Variants in NKAIN3 observed in about 807,000 individuals in gnomAD.
NKAIN3 encodes the protein sodium/potassium transporting ATPase interacting 3.
In NKAIN3, 25 loss-of-function variants were observed where a neutral mutation model predicts 30.2. The ratio of observed to expected loss-of-function variants is 0.83; its 90% CI spans 0.60 to 1.16. The LOEUF is 1.16. Among genes scored for constraint, NKAIN3 ranks in the 50% most tolerant of loss-of-function variants. The probability of loss-of-function intolerance (pLI) is 0.00; values close to 1 mark genes in which losing one functional copy is unlikely to be tolerated. For synonymous variants in NKAIN3, 91 were observed against 89.6 expected (o/e 1.02, Z -0.09); for missense variants, 225 against 254.1 (o/e 0.89, Z 0.78).
chr8:62,311,017 A>C (rs762873248), intron 1 of NKAIN3, among the ~76,000 whole-genome samples: 1 of 150,584 alleles, frequency 6.6e-6, no homozygotes. Flanking sequence ...CAGAGAGGTT[A>C]TCTCTTCCCT....
chr8:62,985,213 C>T (rs889230289), downstream of NKAIN3, among the ~76,000 whole-genome samples: 3 of 152,218 alleles, frequency 2.0e-5, no homozygotes, highest in Admixed American at 2.0e-4. Flanking sequence ...ACATCTCACC[C>T]CTGCCACTCA....
At chr8:62,877,124 C>T (rs531496292) in intron 4 of NKAIN3, among the ~76,000 whole-genome samples, 3 of 152,204 alleles carry the variant, frequency 2.0e-5, no homozygotes, top group Non-Finnish European at 4.4e-5. Flanking sequence ...ATGAAGGTGC[C>T]AGCTCCCACA....
intron 1 of NKAIN3, among the ~76,000 whole-genome samples, chr8:62,447,264 G>T (rs538293562): frequency 6.6e-6 from 1 of 151,970 alleles, no homozygotes; most frequent in Admixed American, 6.6e-5. Context: ...CCAGGTACTG[G>T]AATCTGTCAT....
chr8:62,371,095 C>A (rs1249519906), intron 1 of NKAIN3, among the ~76,000 whole-genome samples: 1 of 151,764 alleles, frequency 6.6e-6, no homozygotes, highest in Non-Finnish European at 1.5e-5. Flanking sequence ...GATGTCTTGC[C>A]ATGTCATCTT....
chr8:62,425,105 A>G (rs1804767403), intron 1 of NKAIN3, among the ~76,000 whole-genome samples: 2 of 151,870 alleles, frequency 1.3e-5, no homozygotes, highest in Non-Finnish European at 2.9e-5. Context: ...AGAGAGTAGA[A>G]TAATGATTTC....
intron 1 of NKAIN3, among the ~76,000 whole-genome samples, chr8:62,480,579 G>A (rs1450406369): frequency 6.7e-6 from 1 of 149,060 alleles, no homozygotes; most frequent in African/African-American, 2.5e-5. Context: ...ATTTCCAAGA[G>A]TCCTAACAGG....
chr8:62,393,122 A>AT (rs1220770193), intron 1 of NKAIN3, among the ~76,000 whole-genome samples: 1 of 152,050 alleles, frequency 6.6e-6, no homozygotes, highest in Non-Finnish European at 1.5e-5. Flanking sequence ...CATATCCATG[A>AT]TTTTTCTTAA....
chr8:62,378,106 G>A (rs1381741363), intron 1 of NKAIN3, among the ~76,000 whole-genome samples: 2 of 152,162 alleles, frequency 1.3e-5, no homozygotes, highest in African/African-American at 4.8e-5. Flanking sequence ...GAGAAATGAA[G>A]TCCAGGCTGA....
At chr8:62,937,688 C>T (rs1464113098) in intron 5 of NKAIN3, among the ~76,000 whole-genome samples, 1 of 151,986 alleles carries the variant, frequency 6.6e-6, no homozygotes, top group Non-Finnish European at 1.5e-5. Context: ...TGGACAGAAT[C>T]TGTAGTGGGG....
At chr8:62,347,010 T>G (rs1228415486) in intron 1 of NKAIN3, among the ~76,000 whole-genome samples, 1 of 152,024 alleles carries the variant, frequency 6.6e-6, no homozygotes, top group African/African-American at 2.4e-5. Flanking sequence ...TGAATAAAGG[T>G]TTGGTGGCAT....
In NKAIN3 at chr8:62,457,249, T is replaced by C. The variant is rs576305787; in HGVS notation, c.55-122290T>C. Among the ~76,000 whole-genome samples the C allele has an allele frequency of 8.5e-5, 13 of 152,344 alleles. No homozygotes were observed. The South Asian group carries it at 2.7e-3, about 32-fold the overall frequency. ...AGGACCATGAATGGAAGAGGGATTT[T>C]TTAATTTTATGTTATTCCAGGGAGA... On this transcript the variant is annotated intron_variant, in intron 1 of 6. Coordinates refer to ENST00000623646, the MANE Select transcript of NKAIN3 (RefSeq NM_001304533.3).
At chr8:62,611,573 A>G (rs1051617752) in intron 3 of NKAIN3, among the ~76,000 whole-genome samples, 3 of 152,144 alleles carry the variant, frequency 2.0e-5, no homozygotes, top group African/African-American at 7.2e-5. Flanking sequence ...TATTTCCCTT[A>G]ACATGATGAC....
At position 62,913,280 on chromosome 8, in the gene NKAIN3, ACTTTT is replaced by A. The variant is rs372896321; in HGVS notation, c.472-5172_472-5168del. ...TACTATATGTATTTGTGTTTGCTAT[ACTTTT>A]ATATGATTGGCAGCACAGTAGGTTT... On this transcript the variant is annotated intron_variant, in intron 4 of 6. Coordinates refer to ENST00000623646, the MANE Select transcript of NKAIN3 (RefSeq NM_001304533.3). Among the ~76,000 whole-genome samples the A allele has an allele frequency of 2.6e-3, 395 of 152,304 alleles. 2 individuals carry two copies. The highest frequency in any genetic ancestry group is 9.1e-3 in the African/African-American group (380 of 41,566).
At chr8:62,912,430 T>C (rs1207902885) in intron 4 of NKAIN3, among the ~76,000 whole-genome samples, 1 of 152,224 alleles carries the variant, frequency 6.6e-6, no homozygotes, top group Non-Finnish European at 1.5e-5. Context: ...TAAATTCATT[T>C]TAGCTTACTG....
Position 62,746,499 on chromosome 8 carries a change from T to C in NKAIN3, c.274-433T>C, listed in dbSNP as rs904835384. ...GATCATTAAAGTGCCTACATGAACA[T>C]TCAAGAATATAATATGTGAAATTCA... On this transcript the variant is annotated intron_variant, in intron 3 of 6. Transcript: ENST00000623646. Among the ~76,000 whole-genome samples, 4 of 152,192 alleles carry C rather than the reference T, an allele frequency of 2.6e-5. 1 individual carries two copies. The highest frequency in any genetic ancestry group is 9.7e-5 in the African/African-American group (4 of 41,440).
chr8:62,813,891 C>G (rs1229448521), intron 4 of NKAIN3, among the ~76,000 whole-genome samples: 2 of 151,944 alleles, frequency 1.3e-5, no homozygotes, highest in African/African-American at 2.4e-5. Flanking sequence ...GGCTTTATTT[C>G]TTAAAAATAG....
chr8:62,331,300 T>G (rs983457378), intron 1 of NKAIN3, among the ~76,000 whole-genome samples: 7 of 151,962 alleles, frequency 4.6e-5, no homozygotes, highest in Non-Finnish European at 8.8e-5. Context: ...AACTCATACA[T>G]GTTAAGACCC....
chr8:62,794,949 G>T (rs1236956900), intron 4 of NKAIN3, among the ~76,000 whole-genome samples: 1 of 151,962 alleles, frequency 6.6e-6, no homozygotes, highest in East Asian at 1.9e-4. Context: ...ATCCATCTAT[G>T]ATCTTTCCAT....
chr8:62,776,745 T>C (rs188008399), intron 4 of NKAIN3, among the ~76,000 whole-genome samples: 172 of 152,304 alleles, frequency 1.1e-3, no homozygotes, highest in African/African-American at 4.0e-3. Flanking sequence ...TTATACACCA[T>C]GATTATGGTA....
Sources: allele counts gnomAD v4.1 joint callset (sites outside exome capture counted in the v4.1 genomes callset), GRCh38; gene constraint gnomAD v4.1.1; transcripts MANE v1.5; gene names NCBI Gene and HGNC (gene_info 2026-07-23, HGNC 2026-07-21).